The following RAPGEF4 variants were observed in gnomAD, a reference collection of about 807,000 sequenced individuals.
The protein encoded by RAPGEF4 is RAP guanine-nucleotide-exchange factor (GEF) 4.
A neutral mutation model predicts 147.9 loss-of-function variants in RAPGEF4; 66 were observed. The observed-to-expected ratio is 0.45, with a 90% CI of 0.37 to 0.55. The LOEUF (loss-of-function observed/expected upper bound fraction) is 0.55, where lower values mean the gene tolerates loss of function less well. Among genes scored for constraint, RAPGEF4 ranks in the 20% least tolerant of loss-of-function variants. The pLI, the probability that RAPGEF4 is intolerant of heterozygous loss-of-function variation, is 0.00. For missense variants in RAPGEF4, 1,071 were observed against 1,257.3 expected, an observed-to-expected ratio of 0.85 and a Z score of 2.24; for synonymous variants, 419 against 442.7, an observed-to-expected ratio of 0.95 and a Z score of 0.67.
At chr2:173,029,054 C>T (rs1041351588) in intron 25 of RAPGEF4, among the ~76,000 whole-genome samples, 1 of 152,166 alleles carries the variant, frequency 6.6e-6, no homozygotes, top group African/African-American at 2.4e-5. Flanking sequence ...GATTGTATAC[C>T]TGCCTTTAGC....
intron 10 of RAPGEF4, among the ~76,000 whole-genome samples, chr2:172,970,179 A>C (rs868822414): frequency 0.014 from 1,639 of 117,788 alleles, 36 homozygotes; most frequent in African/African-American, 0.045. Flanking sequence ...ACACACACAC[A>C]CCCTTTTTTT....
At chr2:172,745,114 A>C (rs750396095) in intron 1 of RAPGEF4, among the ~76,000 whole-genome samples, 1 of 152,168 alleles carries the variant, frequency 6.6e-6, no homozygotes, top group Non-Finnish European at 1.5e-5. Context: ...AAGTGAATTA[A>C]GAAACATTTC....
chr2:172,837,843 T>C (rs1163539069), intron 4 of RAPGEF4, among the ~76,000 whole-genome samples: 1 of 152,182 alleles, frequency 6.6e-6, no homozygotes, highest in Non-Finnish European at 1.5e-5. Flanking sequence ...AGATCACAGG[T>C]GTGAGCCACT....
intron 4 of RAPGEF4, among the ~76,000 whole-genome samples, chr2:172,833,450 A>G (rs72900221): frequency 6.6e-6 from 1 of 152,328 alleles, no homozygotes; most frequent in Non-Finnish European, 1.5e-5. Context: ...ACAACAGTGT[A>G]GGAGTATACT....
At chr2:172,910,834 C>A (rs778379121) in intron 4 of RAPGEF4, among the ~76,000 whole-genome samples, 6 of 152,168 alleles carry the variant, frequency 3.9e-5, no homozygotes, top group Non-Finnish European at 8.8e-5. Context: ...TCTGACCTAA[C>A]CTGGGAAGTC....
intron 1 of RAPGEF4, among the ~76,000 whole-genome samples, chr2:172,761,381 A>G (rs1381343207): frequency 6.6e-6 from 1 of 152,134 alleles, no homozygotes; most frequent in African/African-American, 2.4e-5. Flanking sequence ...ACCTCAGGTG[A>G]TCTGCCCACC....
chr2:172,990,964 T>G, intron 15 of RAPGEF4, 39 bp downstream of exon 15: 1 of 1,439,734 alleles, frequency 6.9e-7, no homozygotes, highest in Non-Finnish European at 9.7e-7. Context: ...CAGACTATGA[T>G]TAACCTTTTC....
intron 17 of RAPGEF4, among the ~76,000 whole-genome samples, chr2:173,005,518 G>GTTTTTTTTTTTTT (rs1694352537): frequency 1.2e-5 from 1 of 80,444 alleles, no homozygotes; most frequent in African/African-American, 4.8e-5. Context: ...TTGTTGTTTT[G>GTTTTTTTTTTTTT]TGTTTTTTTT....
In RAPGEF4 at chr2:173,020,473, G is replaced by A. The variant is rs140510621; in HGVS notation, c.2156-145G>A. The A allele has an allele frequency of 1.1e-3, 787 of 716,916 alleles. 9 individuals are homozygous for A. The East Asian group carries it at 0.02, about 18-fold the overall frequency. 44.4% of individuals were successfully genotyped at this position (716,916 alleles called of 1,614,324 possible). A position where few individuals can be genotyped will look rare whatever the true frequency, so the allele number is the denominator to read the frequency against. Reference sequence around the variant, plus strand: ...GCATGAATGCCGTCTTTTTTATTCCGTGGATCCCTTCAGTACTCTATTTTA... The same window carrying A: ...GCATGAATGCCGTCTTTTTTATTCCATGGATCCCTTCAGTACTCTATTTTA... On this transcript the variant is annotated intron_variant, in intron 22 of 30. Transcript: ENST00000397081.
At position 173,027,073 on chromosome 2, in the gene RAPGEF4, T is replaced by A; in HGVS notation, c.2380-8T>A. On this transcript the variant is annotated splice_polypyrimidine_tract_variant and splice_region_variant and intron_variant, in intron 24 of 30. Coordinates refer to ENST00000397081, the MANE Select transcript of RAPGEF4 (RefSeq NM_007023.4). Reference sequence around the variant, plus strand: ...AAATAAGCAAAATTGTTTTCCTTTATTTTCTAGCTGGAGCTAATCTATCAC... The same window carrying A: ...AAATAAGCAAAATTGTTTTCCTTTAATTTCTAGCTGGAGCTAATCTATCAC... The A allele has an allele frequency of 6.4e-7, 1 of 1,571,606 alleles. No individual in the cohort carries two copies. Among genetic ancestry groups the A allele is most frequent in the Non-Finnish European group, 8.6e-7 (1 of 1,165,020 alleles).
intron 1 of RAPGEF4, among the ~76,000 whole-genome samples, chr2:172,766,439 C>T (rs1559030591): frequency 6.6e-6 from 1 of 152,058 alleles, no homozygotes; most frequent in Non-Finnish European, 1.5e-5. Flanking sequence ...ATAGTCCCAG[C>T]TACTCGGGAG....
chr2:172,935,391 C>T (rs1432177605), intron 6 of RAPGEF4, among the ~76,000 whole-genome samples: 2 of 152,166 alleles, frequency 1.3e-5, no homozygotes, highest in South Asian at 2.1e-4. Flanking sequence ...TATCCCCACT[C>T]TGAGCCAGTG....
chr2:172,905,156 C>T (rs1699493497), intron 4 of RAPGEF4, among the ~76,000 whole-genome samples: 1 of 152,148 alleles, frequency 6.6e-6, no homozygotes, highest in African/African-American at 2.4e-5. Flanking sequence ...TTCTCTGACT[C>T]CCAAATCTGA....
intron 4 of RAPGEF4, among the ~76,000 whole-genome samples, chr2:172,885,445 A>G (rs1400431505): frequency 6.6e-6 from 1 of 152,186 alleles, no homozygotes. Flanking sequence ...CGCCCTGTGT[A>G]TTAGTCCATT....
intron 1 of RAPGEF4, among the ~76,000 whole-genome samples, chr2:172,782,398 T>C (rs58599291): frequency 0.029 from 4,410 of 152,302 alleles, 213 homozygotes; most frequent in African/African-American, 0.1. Context: ...CTTTTTTCCA[T>C]GTTCTTTCTC....
chr2:172,850,290 T>C (rs1692659874), intron 4 of RAPGEF4, among the ~76,000 whole-genome samples: 1 of 152,188 alleles, frequency 6.6e-6, no homozygotes, highest in African/African-American at 2.4e-5. Flanking sequence ...ATTTTTTTGC[T>C]TTAGTTAGGT....
intron 9 of RAPGEF4, 148 bp downstream of exon 9, chr2:172,965,831 A>G: frequency 1.0e-6 from 1 of 986,268 alleles, no homozygotes; most frequent in South Asian, 1.6e-5. Context: ...TAGCAATACA[A>G]ATGCAGCAAG....
Position 172,751,619 on chromosome 2 carries a change from C to T in RAPGEF4, c.65+15571C>T, listed in dbSNP as rs189469734. ...GTAGTGTTATTTTAGAGAGGGTGGT[C>T]AGAGAGGTCTTTCTGTAGAAGTGAT... On this transcript the variant is annotated intron_variant, in intron 1 of 30. Coordinates refer to ENST00000397081, the MANE Select transcript of RAPGEF4 (RefSeq NM_007023.4). 2.8e-3 allele frequency among the ~76,000 whole-genome samples: 421 copies of T among 152,206 alleles called. 7 individuals are homozygous for T. Among genetic ancestry groups the T allele is most frequent in the Admixed American group, 0.026 (400 of 15,294 alleles).
intron 6 of RAPGEF4, among the ~76,000 whole-genome samples, chr2:172,956,227 G>T (rs1449674945): frequency 6.6e-6 from 1 of 152,008 alleles, no homozygotes; most frequent in Non-Finnish European, 1.5e-5. Flanking sequence ...CTGTCCCTTT[G>T]CTTGAGGGCC....
Sources: allele counts gnomAD v4.1 joint callset (sites outside exome capture counted in the v4.1 genomes callset), GRCh38; gene constraint gnomAD v4.1.1; transcripts MANE v1.5; gene names NCBI Gene and HGNC (gene_info 2026-07-23, HGNC 2026-07-21).